KHDRBS2: variants seen among roughly 807,000 people sequenced by gnomAD.
KHDRBS2 encodes the protein KH domain-containing, RNA-binding, signal transduction-associated protein 2.
Under a neutral mutation model 44.3 loss-of-function variants are expected in KHDRBS2, and 26 were observed. The observed-to-expected ratio is 0.59, with a 90% CI of 0.43 to 0.81. The LOEUF is 0.81. KHDRBS2 is among the 40% of genes least tolerant of loss of function. The pLI, the probability that KHDRBS2 is intolerant of heterozygous loss-of-function variation, is 0.00. For missense variants in KHDRBS2, 476 were observed against 433.1 expected (o/e 1.10, Z -0.88); for synonymous variants, 194 against 151.1 (o/e 1.28, Z -2.08).
the KHDRBS2 span, among the ~76,000 whole-genome samples, chr6:61,650,987 C>T: frequency 6.6e-6 from 1 of 152,054 alleles, no homozygotes; most frequent in Non-Finnish European, 1.5e-5. Flanking sequence ...CCAATGTGTA[C>T]ATTCTCTCTG....
At chr6:61,854,178 C>G (rs1444717013) in intron 6 of KHDRBS2, among the ~76,000 whole-genome samples, 1 of 152,072 alleles carries the variant, frequency 6.6e-6, no homozygotes, top group African/African-American at 2.4e-5. Flanking sequence ...ATTTTGTTTG[C>G]TCCATGGCAA....
chr6:61,826,435 T>C (rs914219741), intron 6 of KHDRBS2, among the ~76,000 whole-genome samples: 2 of 152,092 alleles, frequency 1.3e-5, no homozygotes, highest in African/African-American at 4.8e-5. Flanking sequence ...TGATAGCCAG[T>C]CTCTCATGGT....
chr6:62,279,018 C>T lies in KHDRBS2; in HGVS notation c.91+6840G>A, dbSNP rs550737005. ...CTGAGACAGGAGAATGGCCTGAACC[C>T]GGGAGGCGGAGCTTGCAGTGAGCTG... is the stretch of plus-strand genomic sequence containing the variant. On this transcript the variant is annotated intron_variant, in intron 1 of 8. Coordinates refer to ENST00000281156, the MANE Select transcript of KHDRBS2 (RefSeq NM_152688.4). Among the ~76,000 whole-genome samples the T allele has an allele frequency of 9.9e-5, 15 of 152,152 alleles. No homozygotes were observed. In the South Asian group the frequency reaches 1.2e-3, roughly 13 times the overall value.
the KHDRBS2 span, among the ~76,000 whole-genome samples, chr6:61,543,791 C>T: frequency 5.3e-5 from 8 of 152,016 alleles, no homozygotes; most frequent in Admixed American, 1.3e-4. Flanking sequence ...GAGATCTTGT[C>T]GTTTGCAATA....
At chr6:62,277,889 G>A (rs1172881541) in intron 1 of KHDRBS2, among the ~76,000 whole-genome samples, 1 of 152,170 alleles carries the variant, frequency 6.6e-6, no homozygotes, top group Non-Finnish European at 1.5e-5. Context: ...TAACAATGGA[G>A]CAAGAGGATG....
chr6:62,220,435 T>C (rs922128470), intron 1 of KHDRBS2, among the ~76,000 whole-genome samples: 1 of 151,880 alleles, frequency 6.6e-6, no homozygotes, highest in African/African-American at 2.4e-5. Context: ...TGTACACATA[T>C]ACACAAATAT....
chr6:61,867,281 T>C (rs1797933796), intron 6 of KHDRBS2, among the ~76,000 whole-genome samples: 2 of 152,214 alleles, frequency 1.3e-5, no homozygotes, highest in Admixed American at 1.3e-4. Flanking sequence ...AGAGAGCTTG[T>C]GCAGGTGAAC....
rs1767036578 is a variant in KHDRBS2, at chr6:61,955,713, T to C, written c.483+22353A>G. Among the ~76,000 whole-genome samples the C allele has an allele frequency of 1.6e-5, 2 of 124,838 alleles. 1 individual carries two copies. The highest frequency in any genetic ancestry group is 6.8e-5 in the African/African-American group (2 of 29,350). 81.9% of individuals were successfully genotyped at this position (124,838 alleles called of 152,430 possible). A position where few individuals can be genotyped will look rare whatever the true frequency, so the allele number is the denominator to read the frequency against. On this transcript the variant is annotated intron_variant, in intron 4 of 8. Transcript: ENST00000281156. ...ACATATATGTGTATATATACACATA[T>C]GTATGTATACATATATAGACAGAGA...
Position 62,059,198 on chromosome 6 carries a change from G to GTTTTTTTTTTTTTTTTTTTTTTTTTTTTT in KHDRBS2, c.220-11233_220-11205dup, listed in dbSNP as rs398001756. On this transcript the variant is annotated intron_variant, in intron 2 of 8. Coordinates refer to ENST00000281156, the MANE Select transcript of KHDRBS2 (RefSeq NM_152688.4). Reference sequence around the variant, plus strand: ...TATTTCCACATAGAAAAGTTAGGAAGTTTTTTTTTTTTTTTTTTTTTTTTT... The same window carrying GTTTTTTTTTTTTTTTTTTTTTTTTTTTTT: ...TATTTCCACATAGAAAAGTTAGGAAGTTTTTTTTTTTTTTTTTTTTTTTTTTTTTTTTTTTTTTTTTTTTTTTTTTTTTT... Among the ~76,000 whole-genome samples, 22 of 24,886 alleles carry GTTTTTTTTTTTTTTTTTTTTTTTTTTTTT rather than the reference G, an allele frequency of 8.8e-4. 9 individuals are homozygous for GTTTTTTTTTTTTTTTTTTTTTTTTTTTTT. The highest frequency in any genetic ancestry group is 4.3e-3 in the East Asian group (2 of 466). The allele number at this position is 24,886 out of a possible 152,430, so 16.3% of individuals were successfully genotyped here. A position where few individuals can be genotyped will look rare whatever the true frequency, so the allele number is the denominator to read the frequency against.
chr6:62,274,158 ACTC>A (rs1450724331), intron 1 of KHDRBS2, among the ~76,000 whole-genome samples: 1 of 150,588 alleles, frequency 6.6e-6, no homozygotes, highest in East Asian at 2.0e-4. Flanking sequence ...CTGGTCTTGA[ACTC>A]CTGACCTCGT....
chr6:62,024,320 C>T (rs1214545860), intron 3 of KHDRBS2, among the ~76,000 whole-genome samples: 1 of 151,354 alleles, frequency 6.6e-6, no homozygotes, highest in African/African-American at 2.4e-5. Context: ...TTTATTCACA[C>T]TATTTTTAAA....
chr6:62,235,667 G>T (rs1308179930), intron 1 of KHDRBS2, among the ~76,000 whole-genome samples: 1 of 152,050 alleles, frequency 6.6e-6, no homozygotes, highest in East Asian at 1.9e-4. Flanking sequence ...TTATTTAAAA[G>T]ATGAAAATAG....
At chr6:61,696,656 A>G (rs1767947042) in intron 8 of KHDRBS2, among the ~76,000 whole-genome samples, 1 of 152,156 alleles carries the variant, frequency 6.6e-6, no homozygotes, top group South Asian at 2.1e-4. Context: ...TATAATTATG[A>G]TTAATTTTAA....
intron 7 of KHDRBS2, among the ~76,000 whole-genome samples, chr6:61,728,274 C>G (rs1241544754): frequency 6.6e-6 from 1 of 151,768 alleles, no homozygotes; most frequent in Non-Finnish European, 1.5e-5. Context: ...GCAAGACACA[C>G]TGGGGCCTCT....
At chr6:61,708,012 A>C (rs1330631790) in intron 7 of KHDRBS2, among the ~76,000 whole-genome samples, 1 of 151,690 alleles carries the variant, frequency 6.6e-6, no homozygotes, top group Non-Finnish European at 1.5e-5. Flanking sequence ...TTATTTAGCC[A>C]GCATTTGGTG....
chr6:61,756,874 C>T (rs1187906705), intron 6 of KHDRBS2, among the ~76,000 whole-genome samples: 1 of 152,198 alleles, frequency 6.6e-6, no homozygotes, highest in African/African-American at 2.4e-5. Flanking sequence ...CTTCCCTCTG[C>T]ACTCTAGCCT....
Position 62,249,822 on chromosome 6 carries a change from G to T in KHDRBS2, c.91+36036C>A, listed in dbSNP as rs545558034. ...ACATGCTCTTCCACTCTCAGCAAAT[G>T]ATTAAAGTCATGATGAACACTGCCA... On this transcript the variant is annotated intron_variant, in intron 1 of 8. Transcript: ENST00000281156. Among the ~76,000 whole-genome samples the T allele has an allele frequency of 2.6e-5, 4 of 152,098 alleles. No individual in the cohort carries two copies. The South Asian group carries it at 8.3e-4, about 32-fold the overall frequency.
intron 4 of KHDRBS2, among the ~76,000 whole-genome samples, chr6:61,904,583 A>C (rs1804625845): frequency 6.6e-6 from 1 of 152,112 alleles, no homozygotes; most frequent in Non-Finnish European, 1.5e-5. Context: ...TGCTACCCAA[A>C]AGCTTCTCCC....
At chr6:61,847,852 A>T (rs1794638789) in intron 6 of KHDRBS2, among the ~76,000 whole-genome samples, 1 of 152,110 alleles carries the variant, frequency 6.6e-6, no homozygotes, top group South Asian at 2.1e-4. Context: ...CAATGAATGT[A>T]AATCAATCAA....
Sources: allele counts gnomAD v4.1 joint callset (sites outside exome capture counted in the v4.1 genomes callset), GRCh38; gene constraint gnomAD v4.1.1; transcripts MANE v1.5; gene names NCBI Gene and HGNC (gene_info 2026-07-23, HGNC 2026-07-21).